Variants in MYH6 observed in about 807,000 individuals in gnomAD.
MYH6 encodes myosin heavy chain 6.
A neutral mutation model predicts 223.2 loss-of-function variants in MYH6; 126 were observed. The observed-to-expected ratio is 0.56, with a 90% CI of 0.49 to 0.65. The LOEUF (loss-of-function observed/expected upper bound fraction) is 0.65. MYH6 is among the 30% of genes least tolerant of loss of function. MYH6 has a pLI of 0.00. For synonymous variants in MYH6, 978 were observed against 1,010.2 expected, an observed-to-expected ratio of 0.97 and a Z score of 0.61; for missense variants, 2,040 against 2,536.4, an observed-to-expected ratio of 0.80 and a Z score of 4.20.
chr14:23,389,166 G>A, intron 28 of MYH6, 111 bp from the exon 29 acceptor site: 1 of 1,318,974 alleles, frequency 7.6e-7, no homozygotes, highest in Non-Finnish European at 1.0e-6. Context: ...CACCATGTGG[G>A]CTGATGTGGC....
At chr14:23,406,056 C>A (rs1443109406) in intron 3 of MYH6, among the ~76,000 whole-genome samples, 1 of 152,156 alleles carries the variant, frequency 6.6e-6, no homozygotes, top group African/African-American at 2.4e-5. Context: ...CTCTTCAGTC[C>A]CTATGTTCCA....
chr14:23,383,339 G>GGGCCCCCCCCC lies in MYH6; in HGVS notation c.5566-20_5566-19insGGGGGGGGGCC. On this transcript the variant is annotated intron_variant, in intron 36 of 38. Coordinates refer to ENST00000405093, the MANE Select transcript of MYH6 (RefSeq NM_002471.4). Reference sequence around the variant, plus strand: ...CCTCTGTCTGGGGGTGGGAGGGTGGGAGAAGCTGGTTTGGAGGGGGAGCAA... The same window carrying GGGCCCCCCCCC: ...CCTCTGTCTGGGGGTGGGAGGGTGGGGGCCCCCCCCCAGAAGCTGGTTTGGAGGGGGAGCAA... 1 of 108,182 alleles carries GGGCCCCCCCCC rather than the reference G, an allele frequency of 9.2e-6. No individual in the cohort carries two copies. The allele number at this position is 108,182 out of a possible 1,614,324, so 6.7% of individuals were successfully genotyped here. A position where few individuals can be genotyped will look rare whatever the true frequency, so the allele number is the denominator to read the frequency against.
intron 37 of MYH6, 109 bp from the exon 38 acceptor site, chr14:23,382,671 T>G: frequency 5.4e-6 from 8 of 1,481,542 alleles, no homozygotes; most frequent in African/African-American, 1.4e-5. Context: ...CCATACCTCA[T>G]GCATATTCCT....
rs769756450 is a variant in MYH6 at position 23,390,206 on chromosome 14, G to T, written c.3583C>A (p.Arg1195Ser). Reference protein sequence around the residue: ...LQHEATAAALRKKHADSVAEL... With the variant: ...LQHEATAAALSKKHADSVAEL... ...GCCACGCTGTCGGCGTGCTTCTTGCGCAGGGCCGCGGCAGTGGCCTCGTGC... is the reference window on the plus strand; with the variant it reads ...GCCACGCTGTCGGCGTGCTTCTTGCTCAGGGCCGCGGCAGTGGCCTCGTGC... The change falls in exon 26 of 39, where the codon CGC (arginine) becomes AGC (serine). Residue 1195 changes from arginine (R) to serine (S), a missense_variant. Around this residue, in one of 4 missense-constraint regions of MYH6, gnomAD observed 1,203 missense variants for 1,400.2 expected, o/e 0.86. Transcript: ENST00000405093. The T allele has an allele frequency of 1.9e-5, 30 of 1,601,362 alleles. No individual in the cohort carries two copies. The Admixed American group carries it at 5.1e-4, about 27-fold the overall frequency.
rs757410478 is a variant in MYH6 at position 23,400,286 on chromosome 14, G to A, written c.1551C>T (p.Asp517=). 2 of 1,614,228 alleles carry A rather than the reference G, an allele frequency of 1.2e-6. No homozygotes were observed. The highest frequency in any genetic ancestry group is 2.7e-5 in the African/African-American group (2 of 75,048). Residue 517 remains aspartate, a synonymous_variant, in exon 14 of 39, where the codon GAC becomes GAT. Coordinates refer to ENST00000405093, the MANE Select transcript of MYH6 (RefSeq NM_002471.4). ...CGATGAGGTCAATGCAGGCCTGCAG[G>A]TCCATGCCAAAGTCAATGAATGTCC... is the stretch of plus-strand genomic sequence containing the variant. The part of the protein sequence containing the change: ...IEWTFIDFGM[D]LQACIDLIEK...
In MYH6 at chr14:23,398,161, G is replaced by A. The variant is rs143691530; in HGVS notation, c.1892-548C>T. On this transcript the variant is annotated intron_variant, in intron 15 of 38. Coordinates refer to ENST00000405093, the MANE Select transcript of MYH6 (RefSeq NM_002471.4). ...GCCTCCCAAGTGGCTGGGACTACAGGCAGGTGCCACCACGCCAGGCTAATT... is the reference window on the plus strand; with the variant it reads ...GCCTCCCAAGTGGCTGGGACTACAGACAGGTGCCACCACGCCAGGCTAATT... 2.2e-3 allele frequency among the ~76,000 whole-genome samples: 336 copies of A among 152,068 alleles called. 1 individual carries two copies. Among genetic ancestry groups the A allele is most frequent in the African/African-American group, 7.5e-3 (310 of 41,470 alleles).
At chr14:23,404,625 C>T (rs1891719766) in intron 7 of MYH6, 86 bp downstream of exon 7, 11 of 1,326,476 alleles carry the variant, frequency 8.3e-6, no homozygotes, top group South Asian at 3.6e-5. Context: ...GTCCCCACCA[C>T]GTCACAGGGA....
chr14:23,383,244 T>C lies in MYH6; in HGVS notation c.5642A>G (p.Lys1881Arg), dbSNP rs750886219. The change falls in exon 37 of 39, where the codon AAG becomes AGG. Residue 1881 changes from lysine (K) to arginine (R), a missense_variant. By Grantham distance (26) the Lys-to-Arg change is conservative. Coordinates refer to ENST00000405093, the MANE Select transcript of MYH6 (RefSeq NM_002471.4). The part of the protein sequence containing the change: ...DKLQLKVKAY[K>R]RQAEEAEEQA... ...ACTCACCGCCTCCTCGGCCTGGCGC[T>C]TGTAGGCCTTGACCTTCAGTTGCAG... The C allele has an allele frequency of 1.2e-5, 19 of 1,605,866 alleles. No individual in the cohort carries two copies. The African/African-American group carries it at 2.0e-4, about 17-fold the overall frequency.
chr14:23,389,922 G>T, intron 26 of MYH6, 135 bp downstream of exon 26: 1 of 1,562,102 alleles, frequency 6.4e-7, no homozygotes, highest in Non-Finnish European at 8.8e-7. Flanking sequence ...GAGAGGGGCA[G>T]GGGAGACAGG....
At chr14:23,383,121 G>A in intron 37 of MYH6, 104 bp downstream of exon 37, 1 of 1,075,562 alleles carries the variant, frequency 9.3e-7, no homozygotes, top group Non-Finnish European at 1.4e-6. Context: ...GAGAGTTAAA[G>A]TTTATAGCAA....
chr14:23,387,953 C>A (rs767001510), intron 30 of MYH6, 30 bp from the exon 31 acceptor site: 49 of 1,611,994 alleles, frequency 3.0e-5, no homozygotes, highest in Non-Finnish European at 3.8e-5. Flanking sequence ...ACTCTTCAGC[C>A]CCCCAGCCTT....
intron 25 of MYH6, among the ~76,000 whole-genome samples, chr14:23,391,949 A>G (rs1007929173): frequency 1.3e-5 from 2 of 152,168 alleles, no homozygotes; most frequent in Admixed American, 6.5e-5. Context: ...TTAATATGAT[A>G]CTTGTATAGA....
chr14:23,388,079 T>A lies in MYH6; in HGVS notation c.4359+76A>T, dbSNP rs1042929404. 2.5e-5 allele frequency: 40 copies of A among 1,610,380 alleles called. No individual in the cohort carries two copies. The Admixed American group carries it at 5.8e-4, about 24-fold the overall frequency. On this transcript the variant is annotated intron_variant, in intron 30 of 38. Transcript: ENST00000405093. ...CCCTCCTCCTCCACCTCCAAGGAGG[T>A]TGCCTTTGGCCTCTCACTGAACCCC...
At chr14:23,385,772 T>C (rs994973626) in intron 34 of MYH6, among the ~76,000 whole-genome samples, 156 bp downstream of exon 34, 1 of 152,176 alleles carries the variant, frequency 6.6e-6, no homozygotes, top group African/African-American at 2.4e-5. Context: ...TTTCTTAATA[T>C]AATGGTTCTG....
At chr14:23,385,815 G>A (rs533305456) in intron 34 of MYH6, 113 bp downstream of exon 34, 34 of 1,464,796 alleles carry the variant, frequency 2.3e-5, no homozygotes, top group African/African-American at 1.9e-4. Flanking sequence ...GCCTAAGAGA[G>A]GAAATGATTT....
chr14:23,400,028 A>G lies in MYH6; in HGVS notation c.1581+228T>C, dbSNP rs569539154. 132 of 644,278 alleles carry G rather than the reference A, an allele frequency of 2.0e-4. 1 individual carries two copies. The highest frequency in any genetic ancestry group is 9.2e-4 in the Admixed American group (35 of 38,186). 39.9% of individuals were successfully genotyped at this position (644,278 alleles called of 1,614,324 possible). On this transcript the variant is annotated intron_variant, in intron 14 of 38. Coordinates refer to ENST00000405093, the MANE Select transcript of MYH6 (RefSeq NM_002471.4). ...TCTCCTTCACTACATCTCACTCTTA[A>G]GACACTGAGGGGACCACCACAAAGG...
rs891945516 is a variant in MYH6 at position 23,403,532 on chromosome 14, G to A, written c.800-86C>T. On this transcript the variant is annotated intron_variant, in intron 9 of 38. Coordinates refer to ENST00000405093, the MANE Select transcript of MYH6 (RefSeq NM_002471.4). ...GGTGGCCATGGGGGCAGAGGGCAGGGGGCACCCACAGCTTGATGAAGAGGG... is the reference window on the plus strand; with the variant it reads ...GGTGGCCATGGGGGCAGAGGGCAGGAGGCACCCACAGCTTGATGAAGAGGG... 2.1e-5 allele frequency: 26 copies of A among 1,256,340 alleles called. 1 individual carries two copies. The highest frequency in any genetic ancestry group is 1.9e-4 in the Middle Eastern group (1 of 5,358). The allele number at this position is 1,256,340 out of a possible 1,614,324, so 77.8% of individuals were successfully genotyped here.
At position 23,398,778 on chromosome 14, in the gene MYH6, G is replaced by A. The variant is rs754975942; in HGVS notation, c.1841C>T (p.Ser614Phe). Reference protein sequence around the residue: ...ETVVALYQKSSLKLMATLFSS... With the variant: ...ETVVALYQKSFLKLMATLFSS... The stretch of plus-strand genomic sequence containing the variant: ...GAAGAGAGTGGCCATGAGCTTGAGG[G>A]AGGACTTCTGGTACAGGGCCACAAC... Residue 614 changes from serine to phenylalanine, a missense_variant, in exon 15 of 39, where the codon TCC becomes TTC. By Grantham distance (155) the Ser-to-Phe change is radical. Transcript: ENST00000405093. 2 of 1,614,118 alleles carry A rather than the reference G, an allele frequency of 1.2e-6. No homozygotes were observed. Among genetic ancestry groups the A allele is most frequent in the African/African-American group, 2.7e-5 (2 of 74,942 alleles).
chr14:23,385,348 A>T (rs775697859), intron 34 of MYH6, among the ~76,000 whole-genome samples: 1 of 151,732 alleles, frequency 6.6e-6, no homozygotes, highest in African/African-American at 2.4e-5. Flanking sequence ...GGAAGATGGA[A>T]ACAACTTTTT....
Sources: gnomAD v4.1 joint callset for allele counts (sites outside exome capture counted in the v4.1 genomes callset) on GRCh38, gnomAD v4.1.1 for gene constraint, gnomAD v4.1.1 regional missense constraint, MANE v1.5 for transcripts, NCBI Gene and HGNC (gene_info 2026-07-23, HGNC 2026-07-21) for gene names.